The following PSD3 variants were observed in gnomAD, a reference collection of about 807,000 sequenced individuals.
PSD3 encodes PH and SEC7 domain-containing protein 3.
A neutral mutation model predicts 105.5 loss-of-function variants in PSD3; 49 were observed. That is an observed-to-expected ratio of 0.46 (90% CI 0.37 to 0.59). PSD3 has a LOEUF of 0.59. Among genes scored for constraint, PSD3 ranks in the 20% least tolerant of loss-of-function variants. PSD3 has a pLI of 0.00. For synonymous variants in PSD3, 557 were observed against 457.8 expected (o/e 1.22, Z -2.77); for missense variants, 1,561 against 1,263.8 (o/e 1.24, Z -3.57).
chr8:18,911,071 G>A (rs1232037149), intron 2 of PSD3, among the ~76,000 whole-genome samples: 4 of 152,114 alleles, frequency 2.6e-5, no homozygotes, highest in African/African-American at 9.7e-5. Context: ...TCATGCCACT[G>A]CACTCCATCC....
At chr8:18,989,771 C>T (rs1268142683) in intron 1 of PSD3, among the ~76,000 whole-genome samples, 4 of 152,176 alleles carry the variant, frequency 2.6e-5, no homozygotes, top group African/African-American at 4.8e-5. Flanking sequence ...GGGTTTGGAT[C>T]AACTTCCCAC....
At chr8:18,594,159 A>G (rs1435782503) in intron 12 of PSD3, among the ~76,000 whole-genome samples, 1 of 62,186 alleles carries the variant, frequency 1.6e-5, no homozygotes, top group East Asian at 4.7e-4. Flanking sequence ...AATATATATT[A>G]TTATATACAT....
intron 1 of PSD3, among the ~76,000 whole-genome samples, chr8:19,041,321 C>A (rs1172920903): frequency 6.6e-6 from 1 of 152,192 alleles, no homozygotes; most frequent in Non-Finnish European, 1.5e-5. Context: ...GCTGGCTGAG[C>A]TAATATCCTA....
At chr8:18,856,988 ACT>A in intron 4 of PSD3, among the ~76,000 whole-genome samples, 1 of 152,188 alleles carries the variant, frequency 6.6e-6, no homozygotes, top group East Asian at 1.9e-4. Flanking sequence ...AAGAACCCAC[ACT>A]CTTCGCCACC....
intron 1 of PSD3, among the ~76,000 whole-genome samples, chr8:19,023,496 A>G: frequency 6.6e-6 from 1 of 152,098 alleles, no homozygotes; most frequent in Non-Finnish European, 1.5e-5. Context: ...TGGTGCAGTC[A>G]TAGATCACTG....
intron 4 of PSD3, among the ~76,000 whole-genome samples, chr8:18,853,266 G>A (rs1230159234): frequency 6.6e-6 from 1 of 152,156 alleles, no homozygotes; most frequent in Non-Finnish European, 1.5e-5. Context: ...GTCAAGGCAA[G>A]CAATGCCAAT....
At chr8:18,960,734 G>A (rs1217175498) in intron 1 of PSD3, among the ~76,000 whole-genome samples, 1 of 152,138 alleles carries the variant, frequency 6.6e-6, no homozygotes, top group Non-Finnish European at 1.5e-5. Flanking sequence ...GAGGCTTCTA[G>A]AAGGAGGAAA....
chr8:18,913,184 T>C (rs1820363439), intron 2 of PSD3, among the ~76,000 whole-genome samples: 1 of 152,044 alleles, frequency 6.6e-6, no homozygotes, highest in Non-Finnish European at 1.5e-5. Context: ...CTTCAGTCTT[T>C]ATTGGACTGG....
Position 18,535,289 on chromosome 8 carries a change from T to C in PSD3, c.*454A>G, listed in dbSNP as rs1248741560. 1.2e-5 allele frequency: 2 copies of C among 171,542 alleles called. No homozygotes were observed. The highest frequency in any genetic ancestry group is 1.3e-5 in the Non-Finnish European group (1 of 78,350). 10.6% of individuals were successfully genotyped at this position (171,542 alleles called of 1,614,324 possible). ...GAGTGCTCAATTCTACCTCTGTGAC[T>C]GGGCAAGATTTCACATATAAAGGCG... On this transcript the variant is annotated 3_prime_UTR_variant, in exon 16 of 16. Coordinates refer to ENST00000327040, the MANE Select transcript of PSD3 (RefSeq NM_015310.4).
At chr8:18,933,398 G>C (rs1177975730) in intron 2 of PSD3, among the ~76,000 whole-genome samples, 1 of 150,290 alleles carries the variant, frequency 6.7e-6, no homozygotes, top group African/African-American at 2.4e-5. Flanking sequence ...AAAAAAAAAA[G>C]CTTAATTAGC....
intron 1 of PSD3, among the ~76,000 whole-genome samples, chr8:18,961,941 CTA>C (rs1823953395): frequency 6.6e-6 from 1 of 152,042 alleles, no homozygotes; most frequent in Admixed American, 6.6e-5. Context: ...CATGTAAAAT[CTA>C]TGACATCGGC....
At chr8:19,059,636 G>C (rs1029560910) in intron 1 of PSD3, among the ~76,000 whole-genome samples, 1 of 152,198 alleles carries the variant, frequency 6.6e-6, no homozygotes, top group African/African-American at 2.4e-5. Context: ...CTATCAGTTA[G>C]TCAAGAAATT....
At chr8:18,838,325 T>C (rs569418713) in intron 4 of PSD3, among the ~76,000 whole-genome samples, 47 of 152,192 alleles carry the variant, frequency 3.1e-4, no homozygotes, top group Non-Finnish European at 5.4e-4. Context: ...GCTTGGAAAG[T>C]GAACAAAACG....
chr8:18,763,122 G>A, intron 9 of PSD3: 1 of 451,616 alleles, frequency 2.2e-6, no homozygotes, highest in South Asian at 1.6e-5. Context: ...CTGGGCCAAA[G>A]AAATCTGAAC....
chr8:18,887,344 C>T (rs538571515), intron 2 of PSD3, among the ~76,000 whole-genome samples: 1 of 152,200 alleles, frequency 6.6e-6, no homozygotes, highest in Admixed American at 6.5e-5. Context: ...TATCTTGTTC[C>T]TGTGATTAAA....
intron 4 of PSD3, among the ~76,000 whole-genome samples, chr8:18,834,043 T>C (rs1813895177): frequency 6.6e-6 from 1 of 152,166 alleles, no homozygotes; most frequent in Non-Finnish European, 1.5e-5. Flanking sequence ...AAAATTTTGC[T>C]GAGAGAAGTG....
At chr8:18,782,195 G>C (rs995113978) in intron 8 of PSD3, among the ~76,000 whole-genome samples, 17 of 151,954 alleles carry the variant, frequency 1.1e-4, no homozygotes, top group African/African-American at 4.1e-4. Context: ...TCTGTTGCTG[G>C]AGAATTATTG....
rs995332076 is a variant in PSD3, at chr8:18,531,994, C to A, written c.*3749G>T. 3 of 152,164 alleles carry A rather than the reference C, an allele frequency of 2.0e-5. No homozygotes were observed. The highest frequency in any genetic ancestry group is 2.9e-5 in the Non-Finnish European group (2 of 68,032). The allele number at this position is 152,164 out of a possible 1,614,324, so 9.4% of individuals were successfully genotyped here. On this transcript the variant is annotated 3_prime_UTR_variant, in exon 16 of 16. Transcript: ENST00000327040. Reference sequence around the variant, plus strand: ...ATGCAACATGCTTAACTGATGACTGCAAGGAAAAATGCCAAAGGAACTCAA... The same window carrying A: ...ATGCAACATGCTTAACTGATGACTGAAAGGAAAAATGCCAAAGGAACTCAA...
rs369499870 is a variant in PSD3 at position 18,868,013 on chromosome 8, C to T, written c.1295G>A (p.Gly432Glu). The change falls in exon 4 of 16, where the codon GGA (glycine) becomes GAA (glutamate). Residue 432 changes from glycine (G) to glutamate (E), a missense_variant. Physicochemically the swap from Gly to Glu is moderately conservative, Grantham distance 98. Transcript: ENST00000327040. ...CACGTCGGTGGAGTCCTCCGTATAT[C>T]CAGGCCCAAGGATGTCTTCATCTTC... ...KGEDEDILGP[G>E]YTEDSTDVYS... 17 of 1,613,952 alleles carry T rather than the reference C, an allele frequency of 1.1e-5. No individual in the cohort carries two copies. The East Asian group carries it at 3.8e-4, about 36-fold the overall frequency.
Sources: gnomAD v4.1 joint callset for allele counts (sites outside exome capture counted in the v4.1 genomes callset) on GRCh38, gnomAD v4.1.1 for gene constraint, MANE v1.5 for transcripts, NCBI Gene and HGNC (gene_info 2026-07-23, HGNC 2026-07-21) for gene names.